Variants in THSD4 observed in about 807,000 individuals in gnomAD.
The protein encoded by THSD4 is thrombospondin type-1 domain-containing protein 4.
THSD4 carries 69 observed loss-of-function variants against 119.0 expected under a neutral mutation model. The observed-to-expected ratio is 0.58, with a 90% CI of 0.48 to 0.71. The LOEUF (loss-of-function observed/expected upper bound fraction) is 0.71. Ranked by LOEUF, THSD4 falls within the 30% of genes least tolerant of loss-of-function variation. The pLI, the probability that THSD4 is intolerant of heterozygous loss-of-function variation, is 0.00. For synonymous variants in THSD4, 524 were observed against 540.4 expected (o/e 0.97, Z 0.42); for missense variants, 1,393 against 1,391.1 (o/e 1.00, Z -0.02).
intron 7 of THSD4, among the ~76,000 whole-genome samples, chr15:71,633,456 G>C (rs571939924): frequency 6.6e-6 from 1 of 151,796 alleles, no homozygotes; most frequent in African/African-American, 2.4e-5. Flanking sequence ...TGTATTTTTC[G>C]TAGAGATGGA....
intron 7 of THSD4, among the ~76,000 whole-genome samples, chr15:71,564,676 CAT>C (rs1463096502): frequency 5.6e-5 from 1 of 17,994 alleles, no homozygotes; most frequent in South Asian, 9.3e-4. Flanking sequence ...TATATTATAA[CAT>C]ATAATACAAT....
intron 7 of THSD4, among the ~76,000 whole-genome samples, chr15:71,626,171 A>G (rs907019951): frequency 2.0e-5 from 3 of 152,138 alleles, no homozygotes; most frequent in African/African-American, 4.8e-5. Context: ...GAGACGTACA[A>G]TTTATGGTAT....
intron 7 of THSD4, among the ~76,000 whole-genome samples, chr15:71,626,995 C>T (rs1342001587): frequency 6.6e-6 from 1 of 152,106 alleles, no homozygotes; most frequent in African/African-American, 2.4e-5. Context: ...GGAGGTAGGA[C>T]ATAGGAAGAT....
At chr15:71,486,609 CTGTTTTTTTTTT>C (rs2047823158) in intron 7 of THSD4, among the ~76,000 whole-genome samples, 1 of 75,194 alleles carries the variant, frequency 1.3e-5, no homozygotes, top group Non-Finnish European at 2.7e-5. Flanking sequence ...AGTTTCTTTT[CTGTTTTTTTTTT>C]TTTTTTTTTT....
intron 7 of THSD4, among the ~76,000 whole-genome samples, chr15:71,570,340 A>G (rs1381026062): frequency 6.6e-6 from 1 of 152,190 alleles, no homozygotes; most frequent in Non-Finnish European, 1.5e-5. Flanking sequence ...TATATGAGGA[A>G]AGTAAGATCA....
At chr15:71,452,773 C>G (rs946842600) in intron 7 of THSD4, among the ~76,000 whole-genome samples, 2 of 152,074 alleles carry the variant, frequency 1.3e-5, no homozygotes, top group African/African-American at 4.8e-5. Context: ...CGCCACCACA[C>G]CCAGCTGATT....
At chr15:71,467,281 G>A (rs1410308256) in intron 7 of THSD4, among the ~76,000 whole-genome samples, 3 of 152,138 alleles carry the variant, frequency 2.0e-5, no homozygotes, top group Non-Finnish European at 4.4e-5. Context: ...TCACGGCTGA[G>A]CACTCCATAA....
rs762980956 is a variant in THSD4 at position 71,777,310 on chromosome 15, C to T, written c.2993C>T (p.Thr998Ile). 1.2e-6 allele frequency: 2 copies of T among 1,614,242 alleles called. No individual in the cohort carries two copies. The highest frequency in any genetic ancestry group is 3.3e-5 in the Admixed American group (2 of 60,036). ...CTCTGTGTCTACAACTACTACAAGA[C>T]CGCCTGCTGTGCCTCCTGCACCCGT... Reference protein sequence around the residue: ...ARLCVYNYYKTACCASCTRVA... With the variant: ...ARLCVYNYYKIACCASCTRVA... Residue 998 changes from threonine to isoleucine, a missense_variant, in exon 18 of 18, where the codon ACC (threonine) becomes ATC (isoleucine). Transcript: ENST00000261862.
chr15:71,266,422 A>G (rs753677898), intron 6 of THSD4, among the ~76,000 whole-genome samples: 4 of 152,178 alleles, frequency 2.6e-5, no homozygotes, highest in Non-Finnish European at 5.9e-5. Flanking sequence ...CAACATCAAC[A>G]AAAAGGACGT....
At chr15:71,676,632 C>T (rs1430327494) in intron 8 of THSD4, among the ~76,000 whole-genome samples, 1 of 152,188 alleles carries the variant, frequency 6.6e-6, no homozygotes, top group Admixed American at 6.5e-5. Context: ...TAGCCCCCTT[C>T]TTTCCCCGTC....
rs886119879 is a variant in THSD4 at position 71,134,537 on chromosome 15, C to T, written c.-79-6912C>T. Among the ~76,000 whole-genome samples, 9 of 152,216 alleles carry T rather than the reference C, an allele frequency of 5.9e-5. No individual in the cohort carries two copies. In the South Asian group the frequency reaches 8.3e-4, roughly 14 times the overall value. On this transcript the variant is annotated intron_variant, in intron 1 of 17. Coordinates refer to ENST00000261862, the MANE Select transcript of THSD4 (RefSeq NM_024817.3). ...GGAAAAGTCTGTAAGAAACTCGTGC[C>T]GTTCATTCTTCACCCATTCACCCAT...
At chr15:71,677,862 C>T (rs534261921) in intron 8 of THSD4, among the ~76,000 whole-genome samples, 11 of 152,178 alleles carry the variant, frequency 7.2e-5, no homozygotes, top group African/African-American at 1.2e-4. Flanking sequence ...CACCTGTTTT[C>T]CTACACTTAA....
intron 5 of THSD4, among the ~76,000 whole-genome samples, chr15:71,254,631 C>T (rs2044293967): frequency 6.6e-6 from 1 of 152,236 alleles, no homozygotes; most frequent in African/African-American, 2.4e-5. Flanking sequence ...GGGATGGTGG[C>T]CTCTCCAAGT....
At chr15:71,405,090 T>C (rs1027558537) in intron 6 of THSD4, among the ~76,000 whole-genome samples, 4 of 152,154 alleles carry the variant, frequency 2.6e-5, no homozygotes, top group African/African-American at 9.7e-5. Context: ...GGTTTCACCA[T>C]GTTGGCTAGG....
chr15:71,643,641 T>G (rs2050910082), intron 7 of THSD4, among the ~76,000 whole-genome samples: 1 of 152,270 alleles, frequency 6.6e-6, no homozygotes, highest in Non-Finnish European at 1.5e-5. Context: ...GGACATGATC[T>G]TGTTCTTTAG....
At chr15:71,468,324 A>G (rs2047528661) in intron 7 of THSD4, among the ~76,000 whole-genome samples, 1 of 152,200 alleles carries the variant, frequency 6.6e-6, no homozygotes. Flanking sequence ...AGTCTCGGGT[A>G]GGTCTTTATT....
intron 7 of THSD4, among the ~76,000 whole-genome samples, chr15:71,497,716 T>C (rs2048046656): frequency 6.6e-6 from 1 of 152,186 alleles, no homozygotes; most frequent in South Asian, 2.1e-4. Context: ...GTCACCGTGT[T>C]GTATAGGTCC....
rs1199436252 is a variant in THSD4, at chr15:71,660,721, C to A, written c.1344C>A (p.Ser448Arg). The change falls in exon 8 of 18, where the codon AGC becomes AGA. Residue 448 changes from serine (S) to arginine (R), a missense_variant. Physicochemically the swap from Ser to Arg is moderately radical, Grantham distance 110. Transcript: ENST00000261862. ...TKINITEMYK[S>R]NNYLALRSRS... ...TCAACATCACGGAGATGTACAAGAG[C>A]AACAACTATTTGGGTAAGCTTGGTC... is the stretch of plus-strand genomic sequence containing the variant. 1 of 1,614,132 alleles carries A rather than the reference C, an allele frequency of 6.2e-7. No homozygotes were observed. Among genetic ancestry groups the A allele is most frequent in the South Asian group, 1.1e-5 (1 of 91,080 alleles).
intron 6 of THSD4, among the ~76,000 whole-genome samples, chr15:71,407,974 T>C (rs1308794923): frequency 6.6e-6 from 1 of 152,094 alleles, no homozygotes; most frequent in Non-Finnish European, 1.5e-5. Flanking sequence ...AAATGTTCCT[T>C]TTGGAGGCAG....
Sources: gnomAD v4.1 joint callset for allele counts (sites outside exome capture counted in the v4.1 genomes callset) on GRCh38, gnomAD v4.1.1 for gene constraint, MANE v1.5 for transcripts, NCBI Gene and HGNC (gene_info 2026-07-23, HGNC 2026-07-21) for gene names.